The following HACE1 variants were observed in gnomAD, a reference collection of about 807,000 sequenced individuals.
HACE1 encodes the protein E3 ubiquitin-protein ligase HACE1.
In HACE1, 73 loss-of-function variants were observed where a neutral mutation model predicts 118.4. That is an observed-to-expected ratio of 0.62 (90% CI 0.51 to 0.75). The LOEUF is 0.75. HACE1 is among the 30% of genes least tolerant of loss of function. The pLI is 0.00. For synonymous variants in HACE1, 368 were observed against 374.8 expected, an observed-to-expected ratio of 0.98 and a Z score of 0.21; for missense variants, 749 against 1,102.2, an observed-to-expected ratio of 0.68 and a Z score of 4.54.
chr6:104,808,368 G>A (rs1035585999), intron 7 of HACE1, among the ~76,000 whole-genome samples: 1 of 152,122 alleles, frequency 6.6e-6, no homozygotes, highest in African/African-American at 2.4e-5. Flanking sequence ...ATGCTTTATA[G>A]AAGCCATCAC....
rs763104813 is a variant in HACE1, at chr6:104,833,107, C to T, written c.469G>A (p.Val157Ile). The T allele has an allele frequency of 5.0e-6, 8 of 1,613,388 alleles. No individual in the cohort carries two copies. Among genetic ancestry groups the T allele is most frequent in the Non-Finnish European group, 6.8e-6 (8 of 1,179,276 alleles). The change falls in exon 6 of 24, where the codon GTT (valine) becomes ATT (isoleucine). Residue 157 changes from valine (V) to isoleucine (I), a missense_variant. This residue lies in a region of HACE1 where 120 missense variants were observed against 219.1 expected (regional missense o/e 0.55). Coordinates refer to ENST00000262903, the MANE Select transcript of HACE1 (RefSeq NM_020771.4). ...TGCCCCATGGCATCCTCAACATCAA[C>T]ATCACTGACATGCTGCACAAGGTCA... ...LHDLVQHVSDVDVEDAMGQTA... is the reference protein window; with the variant it reads ...LHDLVQHVSDIDVEDAMGQTA...
intron 4 of HACE1, among the ~76,000 whole-genome samples, chr6:104,847,345 G>A (rs747290122): frequency 1.3e-5 from 2 of 152,190 alleles, no homozygotes; most frequent in Admixed American, 6.5e-5. Flanking sequence ...CTATCAACAC[G>A]TGGAATAATG....
chr6:104,793,205 C>A (rs563818221), intron 10 of HACE1, among the ~76,000 whole-genome samples: 2 of 147,762 alleles, frequency 1.4e-5, no homozygotes, highest in Admixed American at 6.9e-5. Flanking sequence ...AGGTGGAGCT[C>A]GCAGTAAGCC....
At chr6:104,750,510 A>G (rs777152093) in intron 19 of HACE1, 38 bp from the exon 20 acceptor site, 6 of 1,581,550 alleles carry the variant, frequency 3.8e-6, no homozygotes, top group Non-Finnish European at 3.5e-6. Context: ...CTTTTCAAAA[A>G]CCTTTTACAT....
chr6:104,744,475 A>T, intron 21 of HACE1, 37 bp downstream of exon 21: 1 of 1,170,280 alleles, frequency 8.5e-7, no homozygotes, highest in African/African-American at 1.5e-5. Context: ...TTAAACGGCA[A>T]AACTTAACTT....
chr6:104,792,523 C>T (rs1783132231), intron 10 of HACE1, among the ~76,000 whole-genome samples: 1 of 152,148 alleles, frequency 6.6e-6, no homozygotes, highest in Non-Finnish European at 1.5e-5. Context: ...TTTGAAATCT[C>T]TAACATCAGT....
chr6:104,762,650 T>C (rs1433751542), intron 19 of HACE1, among the ~76,000 whole-genome samples: 1 of 152,122 alleles, frequency 6.6e-6, no homozygotes, highest in Non-Finnish European at 1.5e-5. Context: ...TATACCTATG[T>C]AACAAACCCA....
chr6:104,812,224 T>C (rs998525578), intron 6 of HACE1, among the ~76,000 whole-genome samples: 1 of 152,146 alleles, frequency 6.6e-6, no homozygotes, highest in African/African-American at 2.4e-5. Flanking sequence ...AATAGGTGGC[T>C]TGAGGCCAGT....
chr6:104,827,250 T>C (rs1490271758), intron 6 of HACE1, among the ~76,000 whole-genome samples: 2 of 152,114 alleles, frequency 1.3e-5, no homozygotes, highest in Non-Finnish European at 2.9e-5. Flanking sequence ...GATAAAACTC[T>C]AAGTAAAAAT....
At chr6:104,775,320 G>C (rs1781116111) in intron 17 of HACE1, among the ~76,000 whole-genome samples, 1 of 151,930 alleles carries the variant, frequency 6.6e-6, no homozygotes, top group South Asian at 2.1e-4. Flanking sequence ...GGAGGTCAAG[G>C]CTGCAGTGAT....
At chr6:104,803,577 C>T (rs1208270336) in intron 7 of HACE1, among the ~76,000 whole-genome samples, 10 of 152,120 alleles carry the variant, frequency 6.6e-5, no homozygotes, top group Admixed American at 2.0e-4. Context: ...AATCAATAAA[C>T]GCAATCCATC....
At chr6:104,779,453 T>C (rs573103104) in intron 14 of HACE1, among the ~76,000 whole-genome samples, 2 of 152,372 alleles carry the variant, frequency 1.3e-5, no homozygotes, top group East Asian at 3.9e-4. Flanking sequence ...GAATAAATGC[T>C]ACCTTTTTAA....
intron 6 of HACE1, chr6:104,831,250 C>T (rs1416249782): frequency 6.6e-6 from 1 of 152,126 alleles, no homozygotes; most frequent in East Asian, 1.9e-4. Context: ...AACAGGAAAG[C>T]ATTGTCATAA....
At chr6:104,826,671 T>C (rs7759427) in intron 6 of HACE1, among the ~76,000 whole-genome samples, 36,807 of 152,152 alleles carry the variant, frequency 0.24, 4,778 homozygotes, top group African/African-American at 0.34. Context: ...CCAACATAAA[T>C]AGGTGACTGA....
chr6:104,845,378 GTTACT>G (rs1296429589), intron 4 of HACE1, among the ~76,000 whole-genome samples: 1 of 150,972 alleles, frequency 6.6e-6, no homozygotes, highest in East Asian at 1.9e-4. Flanking sequence ...CAACTGACAA[GTTACT>G]TTTCTTGCTT....
In HACE1 at chr6:104,777,283, T is replaced by C. The variant is rs1781316985; in HGVS notation, c.1601A>G (p.His534Arg). Residue 534 changes from histidine (H) to arginine (R), a missense_variant, in exon 15 of 24, where the codon CAT becomes CGT. By Grantham distance (29) the His-to-Arg change is conservative (BLOSUM62 0). Around this residue, in one of 5 missense-constraint regions of HACE1, gnomAD observed 195 missense variants for 322.1 expected, o/e 0.61. Transcript: ENST00000262903. ...FKDRCEWFYE[H>R]LHSGQPDSDM... ...TGAATCTGGCTGTCCTGAATGCAAA[T>C]GTTCATAGAACCATTCACAGCGATC... 3 of 1,613,440 alleles carry C rather than the reference T, an allele frequency of 1.9e-6. No homozygotes were observed. The highest frequency in any genetic ancestry group is 2.5e-6 in the Non-Finnish European group (3 of 1,179,318).
intron 8 of HACE1, 29 bp from the exon 9 acceptor site, chr6:104,796,785 T>C (rs1582514476): frequency 7.6e-7 from 1 of 1,321,072 alleles, no homozygotes. Context: ...ATTATCCAGG[T>C]TTAAAAACAG....
At chr6:104,798,752 C>T (rs1769974071) in intron 7 of HACE1, among the ~76,000 whole-genome samples, 1 of 152,070 alleles carries the variant, frequency 6.6e-6, no homozygotes, top group South Asian at 2.1e-4. Flanking sequence ...AAAATAGAGG[C>T]CAAGTGAAAA....
intron 20 of HACE1, among the ~76,000 whole-genome samples, 174 bp downstream of exon 20, chr6:104,750,167 A>C (rs941282470): frequency 1.3e-5 from 2 of 152,200 alleles, no homozygotes; most frequent in African/African-American, 4.8e-5. Context: ...TATTAAGCTT[A>C]AGAGATGCTC....
Sources: allele counts gnomAD v4.1 joint callset (sites outside exome capture counted in the v4.1 genomes callset), GRCh38; gene constraint gnomAD v4.1.1; regional missense constraint gnomAD v4.1.1; transcripts MANE v1.5; gene names NCBI Gene and HGNC (gene_info 2026-07-23, HGNC 2026-07-21).